The following STRA8 variants were observed in gnomAD, a reference collection of about 807,000 sequenced individuals.
STRA8 encodes stimulated by retinoic acid gene 8 protein homolog.
In STRA8, 18 loss-of-function variants were observed where a neutral mutation model predicts 37.1. The ratio of observed to expected loss-of-function variants is 0.48; its 90% CI spans 0.34 to 0.72. The LOEUF is 0.72. Ranked by LOEUF, STRA8 falls within the 30% of genes least tolerant of loss-of-function variation. STRA8 has a pLI of 0.01. For synonymous variants in STRA8, 168 were observed against 162.9 expected (o/e 1.03, Z -0.24); for missense variants, 357 against 410.4 (o/e 0.87, Z 1.13).
chr7:135,258,600 G>T lies in STRA8; in HGVS notation c.*108G>T. ...GCCTTGGCCTCCAGGACTCTTTGGA[G>T]TGGGTTGTTCCAGAAGCATTTTGAT... On this transcript the variant is annotated 3_prime_UTR_variant, in exon 9 of 9. Coordinates refer to ENST00000662584, the MANE Select transcript of STRA8 (RefSeq NM_001394401.1). The T allele has an allele frequency of 1.2e-6, 1 of 827,382 alleles. No individual in the cohort carries two copies. Among genetic ancestry groups the T allele is most frequent in the Non-Finnish European group, 1.9e-6 (1 of 518,524 alleles). The allele number at this position is 827,382 out of a possible 1,614,324, so 51.3% of individuals were successfully genotyped here. A position where few individuals can be genotyped will look rare whatever the true frequency, so the allele number is the denominator to read the frequency against.
At chr7:135,233,781 A>G (rs1832326048), upstream of STRA8, among the ~76,000 whole-genome samples, 1 of 151,976 alleles carries the variant, frequency 6.6e-6, no homozygotes, top group Admixed American at 6.6e-5. Flanking sequence ...ATTGGTCCCC[A>G]CCCCTGTAAC....
chr7:135,242,975 G>A (rs1832490366), intron 3 of STRA8, 119 bp downstream of exon 3: 25 of 1,115,054 alleles, frequency 2.2e-5, no homozygotes, highest in Non-Finnish European at 3.3e-5. Flanking sequence ...AGGGCCTACT[G>A]TGTGCCAGGA....
At chr7:135,235,736 C>T (rs542053224) in intron 1 of STRA8, among the ~76,000 whole-genome samples, 2 of 152,248 alleles carry the variant, frequency 1.3e-5, no homozygotes, top group East Asian at 3.9e-4. Context: ...GCCACCGCGC[C>T]CAGCTGATCA....
intron 1 of STRA8, among the ~76,000 whole-genome samples, chr7:135,235,505 G>C (rs141662784): frequency 6.7e-6 from 1 of 148,360 alleles, no homozygotes; most frequent in Non-Finnish European, 1.5e-5. Context: ...CCAGTGGCAC[G>C]ATCTCAGCTC....
chr7:135,240,746 AT>A, intron 2 of STRA8, 30 bp downstream of exon 2: 1 of 1,607,150 alleles, frequency 6.2e-7, no homozygotes, highest in Non-Finnish European at 8.5e-7. Context: ...GAGAGGGGAC[AT>A]CTCCACGGGG....
intron 1 of STRA8, among the ~76,000 whole-genome samples, chr7:135,236,019 T>C (rs1308347319): frequency 6.6e-6 from 1 of 151,988 alleles, no homozygotes; most frequent in Non-Finnish European, 1.5e-5. Context: ...GAAGGATTAC[T>C]TGAGCCTAGG....
intron 4 of STRA8, among the ~76,000 whole-genome samples, chr7:135,244,929 G>A (rs1196609717): frequency 3.9e-5 from 6 of 152,176 alleles, no homozygotes; most frequent in East Asian, 1.9e-4. Context: ...CATTAAGCAC[G>A]ATGTTAGCGG....
chr7:135,253,423 C>T (rs1832663466), intron 7 of STRA8, among the ~76,000 whole-genome samples: 1 of 152,108 alleles, frequency 6.6e-6, no homozygotes, highest in South Asian at 2.1e-4. Flanking sequence ...CAGGTTCTCC[C>T]AGCTGACCTG....
intron 6 of STRA8, among the ~76,000 whole-genome samples, chr7:135,250,259 G>C (rs1832618297): frequency 6.6e-6 from 1 of 152,192 alleles, no homozygotes. Context: ...TGGCTTGTGA[G>C]GGGGATTTGC....
intron 8 of STRA8, 39 bp downstream of exon 8, chr7:135,255,264 T>C (rs1420660022): frequency 6.6e-7 from 1 of 1,525,508 alleles, no homozygotes; most frequent in African/African-American, 1.4e-5. Flanking sequence ...TCTGCCCACC[T>C]TGCTTAGATA....
chr7:135,234,823 G>A lies in STRA8; in HGVS notation c.-7+920G>A, dbSNP rs1000784821. On this transcript the variant is annotated intron_variant, in intron 1 of 8. Coordinates refer to ENST00000662584, the MANE Select transcript of STRA8 (RefSeq NM_001394401.1). ...TTTGTTAGACTGAAAGGTTATGTTT[G>A]GCAAGCTGATCTCATGAACAAGGTC... Among the ~76,000 whole-genome samples, 3 of 152,194 alleles carry A rather than the reference G, an allele frequency of 2.0e-5. No homozygotes were observed. In the East Asian group the frequency reaches 5.8e-4, roughly 29 times the overall value.
chr7:135,251,966 A>C, intron 7 of STRA8, 97 bp downstream of exon 7: 2 of 1,060,490 alleles, frequency 1.9e-6, no homozygotes, highest in Non-Finnish European at 2.8e-6. Context: ...ATGTGCATGA[A>C]TGTGGTAAGT....
At chr7:135,237,933 A>G (rs1049120338) in intron 1 of STRA8, among the ~76,000 whole-genome samples, 1 of 152,148 alleles carries the variant, frequency 6.6e-6, no homozygotes, top group Admixed American at 6.5e-5. Flanking sequence ...TCAGTCTAAC[A>G]AAGATCTACC....
At chr7:135,258,378 A>G in intron 8 of STRA8, 40 bp from the exon 9 acceptor site, 1 of 1,548,578 alleles carries the variant, frequency 6.5e-7, no homozygotes, top group Non-Finnish European at 8.8e-7. Context: ...CCCAAGACCC[A>G]CAGATAAAAA....
At chr7:135,252,026 G>GTA (rs1433099987) in intron 7 of STRA8, among the ~76,000 whole-genome samples, 157 bp downstream of exon 7, 1 of 151,572 alleles carries the variant, frequency 6.6e-6, no homozygotes, top group East Asian at 1.9e-4. Flanking sequence ...GTGTGTGTGT[G>GTA]TGTGTGTGTG....
At chr7:135,241,437 G>A (rs1832462628) in intron 2 of STRA8, among the ~76,000 whole-genome samples, 1 of 152,120 alleles carries the variant, frequency 6.6e-6, no homozygotes, top group African/African-American at 2.4e-5. Context: ...TCAAATCCCA[G>A]GCTACTCTGC....
intron 8 of STRA8, among the ~76,000 whole-genome samples, chr7:135,256,389 T>C (rs7806817): frequency 0.27 from 40,960 of 151,588 alleles, 5,778 homozygotes; most frequent in Middle Eastern, 0.4. Flanking sequence ...TTCTCTCAGA[T>C]ACAGTTAAAT....
chr7:135,243,282 C>CCTGA (rs777246075), intron 3 of STRA8, 44 bp from the exon 4 acceptor site: 2 of 1,606,048 alleles, frequency 1.2e-6, no homozygotes, highest in Non-Finnish European at 1.7e-6. Context: ...TCAACAGAGG[C>CCTGA]CTGACTTTTC....
intron 7 of STRA8, among the ~76,000 whole-genome samples, chr7:135,253,654 G>GAAGC (rs1832667617): frequency 6.6e-6 from 1 of 152,348 alleles, no homozygotes; most frequent in African/African-American, 2.4e-5. Flanking sequence ...TTTAAAACAA[G>GAAGC]AAGCAGCGTG....
Sources: allele counts gnomAD v4.1 joint callset (sites outside exome capture counted in the v4.1 genomes callset), GRCh38; gene constraint gnomAD v4.1.1; transcripts MANE v1.5; gene names NCBI Gene and HGNC (gene_info 2026-07-23, HGNC 2026-07-21).